Variants in NEBL observed in about 807,000 individuals in gnomAD.
NEBL encodes the protein LIM and SH3 protein 2.
NEBL carries 122 observed loss-of-function variants against 140.2 expected under a neutral mutation model. The observed-to-expected ratio is 0.87, with a 90% CI of 0.75 to 1.01. The LOEUF is 1.01. Among genes scored for constraint, NEBL ranks in the 50% least tolerant of loss-of-function variants. The pLI is 0.00. For synonymous variants in NEBL, 436 were observed against 398.9 expected (o/e 1.09, Z -1.11); for missense variants, 1,365 against 1,231.3 (o/e 1.11, Z -1.62).
At chr10:20,951,892 G>T (rs557719848) in intron 4 of NEBL, among the ~76,000 whole-genome samples, 12 of 152,130 alleles carry the variant, frequency 7.9e-5, no homozygotes, top group Admixed American at 1.3e-4. Context: ...AAATTGAGAC[G>T]TGAAGCTAGT....
chr10:21,029,208 T>C, intron 2 of NEBL: 3 of 1,444,082 alleles, frequency 2.1e-6, no homozygotes, highest in South Asian at 2.3e-5. Context: ...CAATTGACCA[T>C]TCCATCCTTC....
chr10:20,992,669 C>T (rs984179162), intron 3 of NEBL, among the ~76,000 whole-genome samples: 2 of 151,440 alleles, frequency 1.3e-5, no homozygotes, highest in African/African-American at 4.9e-5. Flanking sequence ...TCGCCTTGAG[C>T]TGCCTTCCTT....
At chr10:20,980,796 G>C (rs983708576) in intron 3 of NEBL, among the ~76,000 whole-genome samples, 1 of 152,180 alleles carries the variant, frequency 6.6e-6, no homozygotes. Flanking sequence ...GATTTTCTTT[G>C]TAAGTATCAA....
At chr10:20,952,920 A>AAAG (rs1554811806) in intron 4 of NEBL, among the ~76,000 whole-genome samples, 11 of 150,002 alleles carry the variant, frequency 7.3e-5, no homozygotes, top group Admixed American at 6.0e-4. Flanking sequence ...AAAAAAAAAA[A>AAAG]AAAAAGAAAA....
chr10:21,099,371 G>A (rs1403931190), intron 2 of NEBL, among the ~76,000 whole-genome samples: 1 of 152,042 alleles, frequency 6.6e-6, no homozygotes, highest in East Asian at 1.9e-4. Context: ...CCTGTCTGGT[G>A]CCAGCCTGTG....
chr10:21,280,936 G>A lies in NEBL; in HGVS notation n.182+11894C>T, dbSNP rs547525952. ...AGCCAAGCATTGTAGATTTTTTAAG[G>A]TGAGAAGTAACAGGAAGAAATGCAT... On this transcript the variant is annotated intron_variant and non_coding_transcript_variant, in intron 1 of 8. Coordinates refer to the NEBL transcript ENST00000675702. Among the ~76,000 whole-genome samples, 17 of 152,224 alleles carry A rather than the reference G, an allele frequency of 1.1e-4. No homozygotes were observed. In the South Asian group the frequency reaches 3.5e-3, roughly 32 times the overall value.
intron 2 of NEBL, among the ~76,000 whole-genome samples, chr10:21,121,522 A>C (rs538360280): frequency 7.9e-5 from 12 of 152,356 alleles, no homozygotes; most frequent in Admixed American, 2.0e-4. Flanking sequence ...GAAAAGTCCA[A>C]ATCAATGTAT....
At chr10:21,029,381 G>A (rs1833683590) in intron 2 of NEBL, 6 of 1,611,534 alleles carry the variant, frequency 3.7e-6, no homozygotes, top group Non-Finnish European at 5.1e-6. Flanking sequence ...CGTTTACCAC[G>A]TGAACCCAGC....
chr10:20,831,980 C>G (rs1840461227), intron 14 of NEBL, among the ~76,000 whole-genome samples: 1 of 152,112 alleles, frequency 6.6e-6, no homozygotes, highest in Admixed American at 6.6e-5. Context: ...TGGAATCCAC[C>G]CCTTTTTTCC....
chr10:20,836,072 A>G (rs1367323394), intron 13 of NEBL, among the ~76,000 whole-genome samples: 1 of 151,754 alleles, frequency 6.6e-6, no homozygotes, highest in Non-Finnish European at 1.5e-5. Context: ...CTTTGTAGAT[A>G]TTGCATTTTT....
intron 3 of NEBL, among the ~76,000 whole-genome samples, chr10:20,977,419 A>G (rs1037324314): frequency 7.9e-5 from 12 of 152,164 alleles, no homozygotes; most frequent in African/African-American, 2.7e-4. Flanking sequence ...ACATAACCTT[A>G]TCAAATTTCT....
chr10:20,825,746 G>A (rs922951347), intron 18 of NEBL, among the ~76,000 whole-genome samples: 1 of 151,998 alleles, frequency 6.6e-6, no homozygotes, highest in East Asian at 1.9e-4. Context: ...CACAGCAAAT[G>A]TCAAACACTC....
intron 3 of NEBL, among the ~76,000 whole-genome samples, chr10:20,978,203 ATCTTCCCCAACAC>A (rs1251488150): frequency 6.6e-6 from 1 of 152,142 alleles, no homozygotes; most frequent in Non-Finnish European, 1.5e-5. Context: ...TAAATATTCC[ATCTTCCCCAACAC>A]TTCCCTGGTC....
At chr10:20,900,401 G>C (rs1352308126), upstream of NEBL, among the ~76,000 whole-genome samples, 1 of 152,146 alleles carries the variant, frequency 6.6e-6, no homozygotes, top group Non-Finnish European at 1.5e-5. Flanking sequence ...GCACTGGCTG[G>C]GTGCGCAGTG....
At chr10:21,137,922 G>GAAA (rs557741319) in intron 2 of NEBL, among the ~76,000 whole-genome samples, 2 of 121,218 alleles carry the variant, frequency 1.6e-5, no homozygotes, top group Admixed American at 8.5e-5. Context: ...GCAAGACCCT[G>GAAA]AAAAAAAAAA....
At chr10:20,928,800 A>G (rs898638431) in intron 4 of NEBL, among the ~76,000 whole-genome samples, 3 of 152,168 alleles carry the variant, frequency 2.0e-5, no homozygotes, top group African/African-American at 7.2e-5. Context: ...AATTCCATCA[A>G]CGTTAATTAA....
At chr10:21,263,738 G>A (rs1051479651) in intron 1 of NEBL, among the ~76,000 whole-genome samples, 2 of 152,178 alleles carry the variant, frequency 1.3e-5, no homozygotes, top group African/African-American at 4.8e-5. Context: ...GCCGAGGCAG[G>A]CGGATCACCT....
At chr10:20,826,561 A>G in intron 17 of NEBL, 22 bp from the exon 18 acceptor site, 1 of 1,542,860 alleles carries the variant, frequency 6.5e-7, no homozygotes, top group Non-Finnish European at 8.9e-7. Flanking sequence ...GAAAAGGAAA[A>G]GAATAACTAA....
At chr10:21,048,635 TG>T (rs2131847431) in intron 2 of NEBL, among the ~76,000 whole-genome samples, 1 of 151,932 alleles carries the variant, frequency 6.6e-6, no homozygotes, top group South Asian at 2.1e-4. Context: ...CACATAATTG[TG>T]GGGGCTGGCA....
Sources: allele counts gnomAD v4.1 joint callset (sites outside exome capture counted in the v4.1 genomes callset), GRCh38; gene constraint gnomAD v4.1.1; transcripts MANE v1.5; gene names NCBI Gene and HGNC (gene_info 2026-07-23, HGNC 2026-07-21).